Variants in CLIP4 observed in about 807,000 individuals in gnomAD.
The protein encoded by CLIP4 is CAP-Gly domain containing linker protein family member 4.
Under a neutral mutation model 73.1 loss-of-function variants are expected in CLIP4, and 47 were observed. The ratio of observed to expected loss-of-function variants is 0.64; its 90% confidence interval spans 0.51 to 0.82. The LOEUF (loss-of-function observed/expected upper bound fraction) is 0.82, where lower values mean the gene tolerates loss of function less well. CLIP4 is among the 40% of genes least tolerant of loss of function. The pLI is 0.00. For synonymous variants in CLIP4, 306 were observed against 295.4 expected (o/e 1.04, Z -0.37); for missense variants, 874 against 852.9 (o/e 1.02, Z -0.31).
intron 2 of CLIP4, among the ~76,000 whole-genome samples, chr2:29,125,738 C>T (rs186222829): frequency 3.9e-5 from 6 of 152,230 alleles, no homozygotes; most frequent in Admixed American, 6.5e-5. Flanking sequence ...TCTAACATCC[C>T]GTGTCTTGAA....
intron 13 of CLIP4, among the ~76,000 whole-genome samples, chr2:29,166,520 TACACACACAG>T (rs1323903775): frequency 1.6e-5 from 2 of 121,632 alleles, no homozygotes; most frequent in Non-Finnish European, 3.6e-5. Context: ...GTTAATCACA[TACACACACAG>T]ACACACACAC....
At chr2:29,172,152 A>G (rs939324852) in intron 14 of CLIP4, among the ~76,000 whole-genome samples, 2 of 151,868 alleles carry the variant, frequency 1.3e-5, no homozygotes, top group Admixed American at 1.3e-4. Flanking sequence ...TCCTTTCTCA[A>G]TAATAGAAAA....
At chr2:29,105,186 A>G (rs142958160) in intron 1 of CLIP4, among the ~76,000 whole-genome samples, 79 of 152,290 alleles carry the variant, frequency 5.2e-4, no homozygotes, top group African/African-American at 1.8e-3. Flanking sequence ...ACTTGTCTCA[A>G]CTTCATTTTA....
At chr2:29,158,212 T>G (rs1469447552) in intron 11 of CLIP4, among the ~76,000 whole-genome samples, 1 of 152,124 alleles carries the variant, frequency 6.6e-6, no homozygotes, top group Non-Finnish European at 1.5e-5. Context: ...CCCAACCAGT[T>G]TTTCTTTATG....
chr2:29,160,571 G>C (rs1667222125), intron 12 of CLIP4, 104 bp downstream of exon 12: 1 of 1,327,100 alleles, frequency 7.5e-7, no homozygotes, highest in African/African-American at 1.5e-5. Flanking sequence ...TTGATGAACA[G>C]TTTTTGTGGA....
At chr2:29,122,084 T>G (rs1664286049) in intron 2 of CLIP4, among the ~76,000 whole-genome samples, 1 of 152,216 alleles carries the variant, frequency 6.6e-6, no homozygotes, top group African/African-American at 2.4e-5. Context: ...GTTTTTCAAG[T>G]AAAATGTTGG....
At position 29,143,503 on chromosome 2, in the gene CLIP4, T is replaced by A. The variant is rs544733592; in HGVS notation, c.649-206T>A. On this transcript the variant is annotated intron_variant, in intron 6 of 15. Coordinates refer to ENST00000320081, the MANE Select transcript of CLIP4 (RefSeq NM_024692.6). ...CTATCTCTCCCACCAGAATGTAATG[T>A]TCCTTGAGGGCAGGGCTTGTGTTTT... 2.0e-5 allele frequency among the ~76,000 whole-genome samples: 3 copies of A among 152,232 alleles called. No individual in the cohort carries two copies. In the East Asian group the frequency reaches 5.8e-4, roughly 29 times the overall value.
intron 15 of CLIP4, among the ~76,000 whole-genome samples, chr2:29,178,829 C>T (rs1668492410): frequency 6.6e-6 from 1 of 152,174 alleles, no homozygotes; most frequent in African/African-American, 2.4e-5. Context: ...GAGTCTTGCT[C>T]TGTCGCCCAG....
chr2:29,153,467 T>A (rs552776529), intron 9 of CLIP4, among the ~76,000 whole-genome samples: 1 of 151,780 alleles, frequency 6.6e-6, no homozygotes, highest in South Asian at 2.1e-4. Flanking sequence ...CTAGTTCACT[T>A]TAATCTCCTC....
rs1477928106 is a variant in CLIP4, at chr2:29,160,358, A to G, written c.1425A>G (p.Thr475=). 6.2e-7 allele frequency: 1 copy of G among 1,614,104 alleles called. No homozygotes were observed. The highest frequency in any genetic ancestry group is 1.7e-5 in the Admixed American group (1 of 60,006). The change falls in exon 12 of 16, where the codon ACA becomes ACG. Residue 475 remains threonine (T), a synonymous_variant. Coordinates refer to ENST00000320081, the MANE Select transcript of CLIP4 (RefSeq NM_024692.6). ...GTTTGAATTCCTCAGCAACATCTAC[A>G]GCAAATAATAGCCGTTGCGAGGGGG... ...SAGLNSSATS[T]ANNSRCEGEL...
At chr2:29,154,588 C>G (rs1666797580) in intron 9 of CLIP4, among the ~76,000 whole-genome samples, 1 of 152,174 alleles carries the variant, frequency 6.6e-6, no homozygotes, top group Admixed American at 6.5e-5. Context: ...CTTAGACATT[C>G]TACTCAGAAT....
At chr2:29,146,240 C>T (rs953809816) in intron 8 of CLIP4, among the ~76,000 whole-genome samples, 6 of 152,196 alleles carry the variant, frequency 3.9e-5, no homozygotes, top group East Asian at 1.9e-4. Flanking sequence ...ACCAGGGGCA[C>T]GCCCAGCTCT....
rs772501041 is a variant in CLIP4 at position 29,181,588 on chromosome 2, C to T, written c.1813C>T (p.Arg605Cys). 1.0e-5 allele frequency: 16 copies of T among 1,606,570 alleles called. No homozygotes were observed. The highest frequency in any genetic ancestry group is 1.7e-4 in the Middle Eastern group (1 of 6,046). ...NAFSKSKAAL[R>C]RSWSSTPTAG... is the part of the protein sequence containing the mutation. The stretch of plus-strand genomic sequence containing the variant: ...TCCGCACAGATCGAAAGCTGCTTTG[C>T]GTCGCAGTTGGAGCAGCACCCCCAC... The change falls in exon 16 of 16, where the codon CGT becomes TGT. Residue 605 changes from arginine (R) to cysteine (C), a missense_variant. By Grantham distance (180) the Arg-to-Cys change is radical. Coordinates refer to ENST00000320081, the MANE Select transcript of CLIP4 (RefSeq NM_024692.6).
At chr2:29,098,698 T>G (rs1667949943) in intron 1 of CLIP4, among the ~76,000 whole-genome samples, 1 of 152,236 alleles carries the variant, frequency 6.6e-6, no homozygotes, top group Non-Finnish European at 1.5e-5. Context: ...CGTGTGGACA[T>G]AAGTTTTCAT....
Position 29,163,903 on chromosome 2 carries a change from T to C in CLIP4, c.1607T>C (p.Phe536Ser). The C allele has an allele frequency of 6.2e-7, 1 of 1,613,542 alleles. No individual in the cohort carries two copies. Among genetic ancestry groups the C allele is most frequent in the Non-Finnish European group, 8.5e-7 (1 of 1,179,524 alleles). Residue 536 changes from phenylalanine to serine, a missense_variant, in exon 13 of 16, where the codon TTT (phenylalanine) becomes TCT (serine). By Grantham distance (155) the Phe-to-Ser change is radical. Coordinates refer to ENST00000320081, the MANE Select transcript of CLIP4 (RefSeq NM_024692.6). ...NDGSVGGVQY[F>S]SCSPRYGIFA... ...GGTTCAGTTGGAGGTGTGCAGTATT[T>C]TAGCTGTTCTCCAAGATATGGAATA...
At chr2:29,174,560 G>C in intron 15 of CLIP4, 115 bp downstream of exon 15, 1 of 1,449,778 alleles carries the variant, frequency 6.9e-7, no homozygotes, top group South Asian at 1.5e-5. Flanking sequence ...GTTTTAACAC[G>C]TAGGAGAAAA....
At chr2:29,130,762 A>G (rs745410658) in intron 2 of CLIP4, 1 of 1,275,716 alleles carries the variant, frequency 7.8e-7, no homozygotes, top group Non-Finnish European at 1.0e-6. Flanking sequence ...TGCTGACTCT[A>G]GAAGTAAGAA....
intron 13 of CLIP4, among the ~76,000 whole-genome samples, chr2:29,167,218 GAA>G (rs555063744): frequency 2.0e-4 from 30 of 152,160 alleles, no homozygotes; most frequent in African/African-American, 6.3e-4. Context: ...AGGTTACAAA[GAA>G]ATTCAGGTCC....
intron 8 of CLIP4, 45 bp downstream of exon 8, chr2:29,145,412 A>G: frequency 6.7e-7 from 1 of 1,493,096 alleles, no homozygotes; most frequent in Non-Finnish European, 9.2e-7. Context: ...ATTAAAAATA[A>G]TCAAGTTTTA....
Sources: gnomAD v4.1 joint callset for allele counts (sites outside exome capture counted in the v4.1 genomes callset) on GRCh38, gnomAD v4.1.1 for gene constraint, MANE v1.5 for transcripts, NCBI Gene and HGNC (gene_info 2026-07-23, HGNC 2026-07-21) for gene names.